The following ADAMTS14 variants were observed in gnomAD, a reference collection of about 807,000 sequenced individuals.
ADAMTS14 encodes A disintegrin and metalloproteinase with thrombospondin motifs 14.
A neutral mutation model predicts 128.6 loss-of-function variants in ADAMTS14; 100 were observed. The ratio of observed to expected loss-of-function variants is 0.78; its 90% CI spans 0.66 to 0.92. The LOEUF is 0.92. Ranked by LOEUF, ADAMTS14 falls within the 40% of genes least tolerant of loss-of-function variation. ADAMTS14 has a pLI of 0.00. For missense variants in ADAMTS14, 1,562 were observed against 1,658.6 expected (o/e 0.94, Z 1.01); for synonymous variants, 665 against 653.8 (o/e 1.02, Z -0.26).
intron 3 of ADAMTS14, among the ~76,000 whole-genome samples, chr10:70,706,197 A>G (rs973560623): frequency 7.2e-5 from 11 of 152,134 alleles, no homozygotes; most frequent in Non-Finnish European, 1.5e-4. Context: ...GTCCTCCCCA[A>G]TTCCCCAGAA....
intron 2 of ADAMTS14, among the ~76,000 whole-genome samples, chr10:70,681,998 G>A (rs924151728): frequency 2.0e-5 from 3 of 152,194 alleles, no homozygotes; most frequent in Non-Finnish European, 2.9e-5. Flanking sequence ...GCCTGCTCTC[G>A]CCTCACTTTT....
rs199709019 is a variant in ADAMTS14 at position 70,749,813 on chromosome 10, A to C, written c.2264-9A>C. 1 of 1,613,076 alleles carries C rather than the reference A, an allele frequency of 6.2e-7. No homozygotes were observed. The highest frequency in any genetic ancestry group is 1.7e-5 in the Admixed American group (1 of 59,960). ...GAAATCTGTGTGACCCTCTCCCCCC[A>C]CCGGTCAGTGGTGAAGAACCAGGTC... On this transcript the variant is annotated splice_polypyrimidine_tract_variant and intron_variant, in intron 15 of 21. Coordinates refer to ENST00000373207, the MANE Select transcript of ADAMTS14 (RefSeq NM_080722.4).
At position 70,753,975 on chromosome 10, in the gene ADAMTS14, C is replaced by T. The variant is rs1272468289; in HGVS notation, c.2905C>T (p.Pro969Ser). ...ACGGCCCTGTCTCCGAGTGCCCTGC[C>T]CAGCCCAGTGGAGGCTGGGAGCCTG... ...ARRPCLRVPCPAQWRLGAWSQ... is the reference protein window; with the variant it reads ...ARRPCLRVPCSAQWRLGAWSQ... The change falls in exon 19 of 22, where the codon CCA (proline) becomes TCA (serine). Residue 969 changes from proline to serine, a missense_variant. Physicochemically the swap from Pro to Ser is moderately conservative, Grantham distance 74. Coordinates refer to ENST00000373207, the MANE Select transcript of ADAMTS14 (RefSeq NM_080722.4). 2 of 1,579,156 alleles carry T rather than the reference C, an allele frequency of 1.3e-6. No individual in the cohort carries two copies. Among genetic ancestry groups the T allele is most frequent in the Non-Finnish European group, 1.7e-6 (2 of 1,164,250 alleles).
intron 9 of ADAMTS14, among the ~76,000 whole-genome samples, 163 bp from the exon 10 acceptor site, chr10:70,736,517 C>A (rs1841831582): frequency 6.6e-6 from 1 of 152,136 alleles, no homozygotes; most frequent in Admixed American, 6.5e-5. Flanking sequence ...GCTGCCGGTA[C>A]TTGGAGTTGA....
intron 18 of ADAMTS14, among the ~76,000 whole-genome samples, chr10:70,753,299 T>C (rs1300878064): frequency 1.3e-5 from 2 of 152,228 alleles, no homozygotes; most frequent in Non-Finnish European, 2.9e-5. Flanking sequence ...CCAGCATAGC[T>C]ACTCTATGTG....
At chr10:70,750,021 A>G (rs753286142) in intron 16 of ADAMTS14, 36 bp downstream of exon 16, 3 of 1,604,386 alleles carry the variant, frequency 1.9e-6, no homozygotes, top group East Asian at 2.2e-5. Flanking sequence ...ACCCCTGCCC[A>G]CCCCACTTGT....
chr10:70,738,979 C>T lies in ADAMTS14; in HGVS notation c.1737C>T (p.Cys579=). The T allele has an allele frequency of 2.5e-6, 4 of 1,585,532 alleles. No homozygotes were observed. The highest frequency in any genetic ancestry group is 3.4e-6 in the Non-Finnish European group (4 of 1,163,878). ...GGGTGCGATCCCGCAGCCGGAGCTG[C>T]AACAACCCCTCGTGAGTGTGCTTGG... ...GGGVRSRSRS[C]NNPSPAYGGR... Residue 579 remains cysteine (C), a synonymous_variant, in exon 11 of 22, where the codon TGC becomes TGT. Transcript: ENST00000373207.
Position 70,762,406 on chromosome 10 carries a change from T to G in ADAMTS14, c.*1553T>G, listed in dbSNP as rs1842630875. 1 of 152,280 alleles carries G rather than the reference T, an allele frequency of 6.6e-6. No homozygotes were observed. Among genetic ancestry groups the G allele is most frequent in the African/African-American group, 2.4e-5 (1 of 41,474 alleles). The allele number at this position is 152,280 out of a possible 1,614,324, so 9.4% of individuals were successfully genotyped here. A position where few individuals can be genotyped will look rare whatever the true frequency, so the allele number is the denominator to read the frequency against. On this transcript the variant is annotated 3_prime_UTR_variant, in exon 22 of 22. Transcript: ENST00000373207. ...CTTGGAAATCCAGATCTTTAAAATT[T>G]TATGTATTTATTAACATCGCCATTG...
At chr10:70,733,823 G>GCCTGCCTC in intron 7 of ADAMTS14, 62 bp from the exon 8 acceptor site, 1 of 1,558,836 alleles carries the variant, frequency 6.4e-7, no homozygotes, top group Non-Finnish European at 8.7e-7. Flanking sequence ...CTGCCTGCCT[G>GCCTGCCTC]CCTGCCTTCC....
rs142118917 is a variant in ADAMTS14 at position 70,674,881 on chromosome 10, G to T, written c.408G>T (p.Trp136Cys). 9 of 1,613,730 alleles carry T rather than the reference G, an allele frequency of 5.6e-6. No homozygotes were observed. In the African/African-American group the frequency reaches 1.2e-4, roughly 21 times the overall value. The change falls in exon 2 of 22, where the codon TGG becomes TGT. Residue 136 changes from tryptophan (W) to cysteine (C), a missense_variant. By Grantham distance (215) the Trp-to-Cys change is radical. Transcript: ENST00000373207. Reference sequence around the variant, plus strand: ...TAGTGCCAGGATCCTCAGTGGAGTGGCAGGAGGATTTTCGGGAGCTGTTCC... The same window carrying T: ...TAGTGCCAGGATCCTCAGTGGAGTGTCAGGAGGATTTTCGGGAGCTGTTCC... Reference protein sequence around the residue: ...RLVVPGSSVEWQEDFRELFRQ... With the variant: ...RLVVPGSSVECQEDFRELFRQ...
Position 70,760,729 on chromosome 10 carries a change from C to G in ADAMTS14, c.3548C>G (p.Thr1183Ser). ...GCATCCTGGAGCATCTCCCCTACCA[C>G]CCCCGGGGGGCTGCCTTGGGGCTGG... ...PGASWSISPTTPGGLPWGWTQ... is the reference protein window; with the variant it reads ...PGASWSISPTSPGGLPWGWTQ... Residue 1183 changes from threonine to serine, a missense_variant, in exon 22 of 22, where the codon ACC (threonine) becomes AGC (serine). Thr to Ser is a moderately conservative substitution (Grantham distance 58). Coordinates refer to ENST00000373207, the MANE Select transcript of ADAMTS14 (RefSeq NM_080722.4). 6.2e-7 allele frequency: 1 copy of G among 1,614,038 alleles called. No individual in the cohort carries two copies. The highest frequency in any genetic ancestry group is 8.5e-7 in the Non-Finnish European group (1 of 1,179,980).
chr10:70,729,274 A>G lies in ADAMTS14; in HGVS notation c.871-20A>G. On this transcript the variant is annotated intron_variant, in intron 4 of 21. Transcript: ENST00000373207. Reference sequence around the variant, plus strand: ...TGTAATGAATGTTTCCTTCCCTTAAACTGTATTTTCTTCTTGCAGGTAGAT... The same window carrying G: ...TGTAATGAATGTTTCCTTCCCTTAAGCTGTATTTTCTTCTTGCAGGTAGAT... 4 of 1,602,186 alleles carry G rather than the reference A, an allele frequency of 2.5e-6. No individual in the cohort carries two copies. Among genetic ancestry groups the G allele is most frequent in the Non-Finnish European group, 2.6e-6 (3 of 1,169,574 alleles).
intron 2 of ADAMTS14, among the ~76,000 whole-genome samples, chr10:70,684,985 T>A (rs1483041149): frequency 1.4e-4 from 22 of 152,254 alleles, no homozygotes; most frequent in African/African-American, 4.8e-4. Context: ...TGATATGGAA[T>A]AAAAGCCAGA....
intron 2 of ADAMTS14, among the ~76,000 whole-genome samples, chr10:70,696,110 C>T (rs574949211): frequency 1.3e-5 from 2 of 152,196 alleles, no homozygotes; most frequent in African/African-American, 4.8e-5. Flanking sequence ...TAGAGAGTTT[C>T]AAAGATGCGG....
intron 2 of ADAMTS14, among the ~76,000 whole-genome samples, chr10:70,685,352 G>A (rs1215597662): frequency 6.6e-6 from 1 of 152,198 alleles, no homozygotes; most frequent in African/African-American, 2.4e-5. Flanking sequence ...ATATTTACAT[G>A]CTGCTTCATC....
chr10:70,681,465 C>T (rs1202286102), intron 2 of ADAMTS14, among the ~76,000 whole-genome samples: 4 of 152,202 alleles, frequency 2.6e-5, no homozygotes, highest in African/African-American at 9.7e-5. Context: ...TCAACCTCAC[C>T]ATGGAGCTTG....
intron 2 of ADAMTS14, among the ~76,000 whole-genome samples, chr10:70,688,260 T>C (rs1256844541): frequency 2.7e-4 from 14 of 51,798 alleles, no homozygotes; most frequent in Non-Finnish European, 3.4e-4. Flanking sequence ...TCCCCACATC[T>C]CAGATGATGG....
chr10:70,761,195 T>C lies in ADAMTS14; in HGVS notation c.*342T>C, dbSNP rs901231671. The C allele has an allele frequency of 5.2e-5, 12 of 230,778 alleles. No individual in the cohort carries two copies. Among genetic ancestry groups the C allele is most frequent in the Non-Finnish European group, 9.3e-5 (11 of 118,160 alleles). 14.3% of individuals were successfully genotyped at this position (230,778 alleles called of 1,614,324 possible). A position where few individuals can be genotyped will look rare whatever the true frequency, so the allele number is the denominator to read the frequency against. Reference sequence around the variant, plus strand: ...GCAGGTCTGAATCCCGGCTGGTCTGTAGCTAGAAGCTGTCAGGGCTGCCTG... The same window carrying C: ...GCAGGTCTGAATCCCGGCTGGTCTGCAGCTAGAAGCTGTCAGGGCTGCCTG... On this transcript the variant is annotated 3_prime_UTR_variant, in exon 22 of 22. Coordinates refer to ENST00000373207, the MANE Select transcript of ADAMTS14 (RefSeq NM_080722.4).
At chr10:70,723,775 AC>A (rs1432077180) in intron 4 of ADAMTS14, among the ~76,000 whole-genome samples, 3 of 152,054 alleles carry the variant, frequency 2.0e-5, no homozygotes, top group African/African-American at 7.2e-5. Context: ...ACCTTTTACA[AC>A]CTTCTTGAGT....
Sources: allele counts gnomAD v4.1 joint callset (sites outside exome capture counted in the v4.1 genomes callset), GRCh38; gene constraint gnomAD v4.1.1; transcripts MANE v1.5; gene names NCBI Gene and HGNC (gene_info 2026-07-23, HGNC 2026-07-21).